GTF3C2: variants seen among roughly 807,000 people sequenced by gnomAD.
GTF3C2 encodes general transcription factor 3C polypeptide 2.
A neutral mutation model predicts 117.4 loss-of-function variants in GTF3C2; 17 were observed. The ratio of observed to expected loss-of-function variants is 0.14; its 90% CI spans 0.10 to 0.22. GTF3C2 has a LOEUF of 0.22. GTF3C2 is among the 10% of genes least tolerant of loss of function. GTF3C2 has a pLI of 1.00. For missense variants in GTF3C2, 888 were observed against 1,143.6 expected (o/e 0.78, Z 3.22); for synonymous variants, 437 against 427.0 (o/e 1.02, Z -0.29).
intron 1 of GTF3C2, chr2:27,356,178 A>C: frequency 3.1e-6 from 3 of 975,858 alleles, no homozygotes; most frequent in Non-Finnish European, 4.3e-6. Context: ...TTGCCACGGG[A>C]CAAAAGGACT....
At chr2:27,335,376 G>C (rs749012248) in intron 10 of GTF3C2, 1 of 678,632 alleles carries the variant, frequency 1.5e-6, no homozygotes, top group Non-Finnish European at 2.8e-6. Flanking sequence ...GAGGGAAGAA[G>C]GGGGAGATAA....
chr2:27,333,813 GT>G, intron 11 of GTF3C2, 29 bp from the exon 12 acceptor site: 1 of 1,598,906 alleles, frequency 6.3e-7, no homozygotes, highest in Non-Finnish European at 8.6e-7. Context: ...TGGGACTAGG[GT>G]TAGGGACACC....
At chr2:27,326,922 GA>G (rs1326258442) in intron 18 of GTF3C2, 29 bp from the exon 19 acceptor site, 8 of 1,438,008 alleles carry the variant, frequency 5.6e-6, no homozygotes, top group Non-Finnish European at 7.8e-6. Context: ...ACAAGAGAGA[GA>G]TGCTCATGGG....
At chr2:27,356,272 T>A (rs1244925355) in intron 1 of GTF3C2, 6 of 413,302 alleles carry the variant, frequency 1.5e-5, no homozygotes, top group Non-Finnish European at 2.9e-5. Context: ...AAGAGCCTCC[T>A]CGAGGAAGAG....
At chr2:27,326,567 G>A in exon 19 of GTF3C2, 1 of 794,648 alleles carries the variant, frequency 1.3e-6, no homozygotes, top group Non-Finnish European at 2.1e-6. Context: ...AAAGGTCCAG[G>A]CCTGGCATGA....
In GTF3C2 at chr2:27,329,041, C is replaced by G; in HGVS notation, c.2039+80G>C. 1 of 1,522,286 alleles carries G rather than the reference C, an allele frequency of 6.6e-7. No homozygotes were observed. Among genetic ancestry groups the G allele is most frequent in the Non-Finnish European group, 9.1e-7 (1 of 1,097,716 alleles). 94.3% of individuals were successfully genotyped at this position (1,522,286 alleles called of 1,614,324 possible). On this transcript the variant is annotated intron_variant, in intron 14 of 18. Coordinates refer to ENST00000264720, the Ensembl canonical transcript of GTF3C2. This position sits in a 1 kb window ranked among gnomAD's most constrained non-coding sequence, Gnocchi z 4.5. ...CAGTGAACCAACTCTCTACCCTCCTCTCCCCACAACAATCTGGCATGCTTT... is the reference window on the plus strand; with the variant it reads ...CAGTGAACCAACTCTCTACCCTCCTGTCCCCACAACAATCTGGCATGCTTT...
At chr2:27,349,308 C>T (rs1307078182) in intron 1 of GTF3C2, among the ~76,000 whole-genome samples, 1 of 151,098 alleles carries the variant, frequency 6.6e-6, no homozygotes, top group African/African-American at 2.4e-5. Context: ...CCATCATGCC[C>T]GGCTAATTTT....
intron 8 of GTF3C2, 49 bp downstream of exon 8, chr2:27,336,149 C>T: frequency 3.4e-6 from 5 of 1,477,174 alleles, no homozygotes; most frequent in Non-Finnish European, 4.7e-6. Flanking sequence ...CAGACCCCAT[C>T]CTGCTGTCCT....
intron 12 of GTF3C2, among the ~76,000 whole-genome samples, chr2:27,331,187 G>C (rs148458394): frequency 0.018 from 2,688 of 152,300 alleles, 252 homozygotes; most frequent in Admixed American, 0.16. Flanking sequence ...AAGCAGAACA[G>C]CATCGAGAAT....
At chr2:27,327,281 A>T in exon 18 of GTF3C2, 5 of 1,533,968 alleles carry the variant, frequency 3.3e-6, no homozygotes, top group Non-Finnish European at 4.5e-6. Flanking sequence ...TCATGGAATG[A>T]ACCCTGGGGA....
chr2:27,343,251 C>T, intron 2 of GTF3C2, 57 bp downstream of exon 2: 1 of 1,567,340 alleles, frequency 6.4e-7, no homozygotes, highest in South Asian at 1.1e-5. Context: ...GCTCAATCTG[C>T]TCTTTCATCT....
At chr2:27,347,720 T>G (rs1680968938) in intron 1 of GTF3C2, among the ~76,000 whole-genome samples, 1 of 152,324 alleles carries the variant, frequency 6.6e-6, no homozygotes, top group South Asian at 2.1e-4. Context: ...GAACATCCCC[T>G]CCAAAACTCA....
chr2:27,327,869 G>C (rs1680138808), intron 17 of GTF3C2, among the ~76,000 whole-genome samples, 168 bp downstream of exon 17: 1 of 152,028 alleles, frequency 6.6e-6, no homozygotes, highest in Admixed American at 6.6e-5. Context: ...CTTGTGATCT[G>C]CCCGCCTAAT....
At chr2:27,344,772 C>A (rs972082158) in intron 1 of GTF3C2, among the ~76,000 whole-genome samples, 1 of 151,828 alleles carries the variant, frequency 6.6e-6, no homozygotes, top group Admixed American at 6.6e-5. Context: ...CTGCTTGAGG[C>A]CAGGAGTTCA....
chr2:27,350,910 C>A (rs1439644156), intron 1 of GTF3C2, among the ~76,000 whole-genome samples: 1 of 148,588 alleles, frequency 6.7e-6, no homozygotes, highest in Non-Finnish European at 1.5e-5. Flanking sequence ...GACTGCACCA[C>A]TGCACTCTAG....
intron 12 of GTF3C2, among the ~76,000 whole-genome samples, chr2:27,332,337 T>C (rs1680302298): frequency 6.6e-6 from 1 of 151,544 alleles, no homozygotes; most frequent in Admixed American, 6.6e-5. Context: ...AACTCTTTCC[T>C]CTAATCTTTC....
exon 19 of GTF3C2, chr2:27,326,451 G>A: frequency 1.7e-6 from 1 of 591,562 alleles, no homozygotes; most frequent in South Asian, 2.0e-5. Flanking sequence ...TTAGGCTGAG[G>A]AGCCTTGAGA....
chr2:27,343,690 G>C, intron 1 of GTF3C2, 112 bp from the exon 2 acceptor site: 1 of 838,724 alleles, frequency 1.2e-6, no homozygotes, highest in Non-Finnish European at 1.9e-6. Flanking sequence ...CAAGTTCCCT[G>C]ATTATTCACT....
intron 1 of GTF3C2, chr2:27,356,023 T>C (rs1681362181): frequency 3.9e-6 from 4 of 1,033,282 alleles, no homozygotes; most frequent in Admixed American, 2.3e-5. Context: ...ATTGCAAAAA[T>C]AGTGATGGCA....
Sources: gnomAD v4.1 joint callset for allele counts (sites outside exome capture counted in the v4.1 genomes callset) on GRCh38, gnomAD v4.1.1 for gene constraint, Gnocchi (gnomAD v3.1) non-coding constraint, MANE v1.5 for transcripts, NCBI Gene and HGNC (gene_info 2026-07-23, HGNC 2026-07-21) for gene names.